Variants in CNTN5 observed in about 807,000 individuals in gnomAD.
The protein encoded by CNTN5 is contactin 5, also known as contactin-5.
CNTN5 carries 77 observed loss-of-function variants against 129.1 expected under a neutral mutation model. The ratio of observed to expected loss-of-function variants is 0.60; its 90% confidence interval spans 0.50 to 0.72. CNTN5 has a LOEUF of 0.72. CNTN5 is among the 30% of genes least tolerant of loss of function. The pLI is 0.00. For missense variants in CNTN5, 1,478 were observed against 1,328.8 expected (o/e 1.11, Z -1.75); for synonymous variants, 509 against 465.6 (o/e 1.09, Z -1.20).
chr11:99,924,524 AT>A (rs57836490), intron 7 of CNTN5, among the ~76,000 whole-genome samples: 2 of 151,312 alleles, frequency 1.3e-5, no homozygotes, highest in East Asian at 1.9e-4. Flanking sequence ...TATTTTTGTC[AT>A]TTTTTTTGAA....
At chr11:100,106,025 T>A (rs187646687) in intron 13 of CNTN5, among the ~76,000 whole-genome samples, 36 of 152,296 alleles carry the variant, frequency 2.4e-4, no homozygotes, top group Admixed American at 9.2e-4. Context: ...CCTCAGATCA[T>A]AAGGCTTACC....
At chr11:99,843,095 G>C (rs1360856174) in intron 4 of CNTN5, among the ~76,000 whole-genome samples, 1 of 152,152 alleles carries the variant, frequency 6.6e-6, no homozygotes, top group Non-Finnish European at 1.5e-5. Context: ...GCTAGGCATG[G>C]TGGCTGTAAT....
Position 100,358,487 on chromosome 11 carries a change from G to A in CNTN5, c.*2267G>A, listed in dbSNP as rs1373490908. 6.6e-6 allele frequency: 1 copy of A among 151,814 alleles called. No individual in the cohort carries two copies. Among genetic ancestry groups the A allele is most frequent in the Non-Finnish European group, 1.5e-5 (1 of 67,810 alleles). 9.4% of individuals were successfully genotyped at this position (151,814 alleles called of 1,614,324 possible). A position where few individuals can be genotyped will look rare whatever the true frequency, so the allele number is the denominator to read the frequency against. On this transcript the variant is annotated 3_prime_UTR_variant, in exon 25 of 25. Transcript: ENST00000524871. ...TAAAAAACAGGTTTTCAATGTTTAT[G>A]TACTTATGTGCTGCATATCTGTTAC...
At chr11:99,246,367 A>C (rs1187362726) in intron 1 of CNTN5, among the ~76,000 whole-genome samples, 1 of 152,154 alleles carries the variant, frequency 6.6e-6, no homozygotes, top group Non-Finnish European at 1.5e-5. Context: ...GAGCCAGCAG[A>C]CCCTGGAAAA....
intron 3 of CNTN5, among the ~76,000 whole-genome samples, chr11:99,703,211 A>G (rs1020490331): frequency 2.1e-5 from 3 of 145,458 alleles, no homozygotes; most frequent in Non-Finnish European, 4.5e-5. Flanking sequence ...CCAAATACAT[A>G]TCAAAGGTAT....
At chr11:99,469,576 G>C (rs1405219256) in intron 2 of CNTN5, among the ~76,000 whole-genome samples, 1 of 151,936 alleles carries the variant, frequency 6.6e-6, no homozygotes, top group Non-Finnish European at 1.5e-5. Context: ...CCACAAAGTA[G>C]TTTAAACAGA....
chr11:99,643,050 G>A (rs555475521), intron 3 of CNTN5, among the ~76,000 whole-genome samples: 2 of 152,198 alleles, frequency 1.3e-5, no homozygotes, highest in South Asian at 2.1e-4. Flanking sequence ...GAATAGTACA[G>A]CAATAACACA....
intron 3 of CNTN5, among the ~76,000 whole-genome samples, chr11:99,580,298 T>G (rs1028374344): frequency 1.3e-5 from 2 of 152,118 alleles, no homozygotes; most frequent in Admixed American, 6.6e-5. Flanking sequence ...TCTCTTTTTT[T>G]GTTGTGTCTC....
intron 3 of CNTN5, among the ~76,000 whole-genome samples, chr11:99,652,591 T>C (rs535758092): frequency 6.6e-6 from 1 of 152,168 alleles, no homozygotes; most frequent in South Asian, 2.1e-4. Flanking sequence ...TTATAAATTT[T>C]GAAAGCTCTG....
At position 100,266,195 on chromosome 11, in the gene CNTN5, C is replaced by T. The variant is rs146614564; in HGVS notation, c.2165-4897C>T. The stretch of plus-strand genomic sequence containing the variant: ...ATCACTTAGGGCCAGGAGATTGAGA[C>T]GAGCCTGGACAACAGAAGGAGATCT... On this transcript the variant is annotated intron_variant, in intron 17 of 24. Transcript: ENST00000524871. 5.7e-3 allele frequency among the ~76,000 whole-genome samples: 860 copies of T among 152,006 alleles called. 3 individuals are homozygous for T. The highest frequency in any genetic ancestry group is 0.031 in the Middle Eastern group (9 of 294).
intron 1 of CNTN5, among the ~76,000 whole-genome samples, chr11:99,236,775 G>T (rs1861294631): frequency 2.0e-5 from 3 of 151,928 alleles, no homozygotes; most frequent in African/African-American, 7.3e-5. Context: ...ATTTTTATAA[G>T]TATTTTCTTA....
At chr11:100,021,277 T>A (rs910114489) in intron 9 of CNTN5, among the ~76,000 whole-genome samples, 1 of 152,170 alleles carries the variant, frequency 6.6e-6, no homozygotes, top group African/African-American at 2.4e-5. Context: ...CACATGGGAA[T>A]TTACATACTG....
intron 21 of CNTN5, among the ~76,000 whole-genome samples, chr11:100,336,611 TAG>T (rs1271266262): frequency 2.0e-5 from 3 of 152,228 alleles, no homozygotes; most frequent in Admixed American, 6.5e-5. Flanking sequence ...TGATTTTACA[TAG>T]AGAGTTCAAA....
chr11:100,120,778 A>C (rs1945991910), intron 13 of CNTN5, among the ~76,000 whole-genome samples: 1 of 151,984 alleles, frequency 6.6e-6, no homozygotes, highest in Non-Finnish European at 1.5e-5. Context: ...GTAAGGGAGA[A>C]AGAAAGGTAT....
At chr11:99,180,149 G>C (rs1857977406) in intron 1 of CNTN5, among the ~76,000 whole-genome samples, 1 of 152,138 alleles carries the variant, frequency 6.6e-6, no homozygotes, top group African/African-American at 2.4e-5. Flanking sequence ...TGGCAATGCA[G>C]ATGTAATGAG....
At chr11:100,225,873 A>T (rs960151425) in intron 16 of CNTN5, among the ~76,000 whole-genome samples, 1 of 152,060 alleles carries the variant, frequency 6.6e-6, no homozygotes, top group African/African-American at 2.4e-5. Flanking sequence ...AACAGTAAAC[A>T]TAAGGCATAG....
At chr11:99,239,711 G>A (rs187629581) in intron 1 of CNTN5, among the ~76,000 whole-genome samples, 15 of 152,204 alleles carry the variant, frequency 9.9e-5, no homozygotes, top group East Asian at 9.7e-4. Flanking sequence ...CGAGGCGGGC[G>A]GATCACGAGG....
intron 1 of CNTN5, among the ~76,000 whole-genome samples, chr11:99,263,276 C>T (rs756753586): frequency 6.6e-6 from 1 of 152,012 alleles, no homozygotes; most frequent in African/African-American, 2.4e-5. Flanking sequence ...TTACTTTTAT[C>T]CCGGAGAAAA....
intron 21 of CNTN5, chr11:100,337,525 CTG>C: frequency 1.3e-6 from 1 of 740,928 alleles, no homozygotes; most frequent in Non-Finnish European, 2.5e-6. Flanking sequence ...AAACGCATGT[CTG>C]TATCCCCAGT....
Sources: gnomAD v4.1 joint callset for allele counts (sites outside exome capture counted in the v4.1 genomes callset) on GRCh38, gnomAD v4.1.1 for gene constraint, MANE v1.5 for transcripts, NCBI Gene and HGNC (gene_info 2026-07-23, HGNC 2026-07-21) for gene names.